The following SAMD4B variants were observed in gnomAD, a reference collection of about 807,000 sequenced individuals.
The protein encoded by SAMD4B is protein Smaug homolog 2.
Under a neutral mutation model 74.5 loss-of-function variants are expected in SAMD4B, and 5 were observed. The ratio of observed to expected loss-of-function variants is 0.07; its 90% CI spans 0.04 to 0.14. SAMD4B has a LOEUF of 0.14. SAMD4B is among the 10% of genes least tolerant of loss of function. The probability of loss-of-function intolerance (pLI) is 1.00; values close to 1 mark genes in which losing one functional copy is unlikely to be tolerated. For missense variants in SAMD4B, 608 were observed against 921.8 expected, an observed-to-expected ratio of 0.66 and a Z score of 4.41; for synonymous variants, 373 against 374.9, an observed-to-expected ratio of 1.00 and a Z score of 0.06.
At chr19:39,372,050 A>C (rs1476706717) in intron 4 of SAMD4B, among the ~76,000 whole-genome samples, 2 of 152,138 alleles carry the variant, frequency 1.3e-5, no homozygotes, top group Non-Finnish European at 2.9e-5. Flanking sequence ...CTTTGTCTTC[A>C]TACCTTTTGT....
At chr19:39,352,422 G>A (rs1463157781) in intron 1 of SAMD4B, 4 of 148,122 alleles carry the variant, frequency 2.7e-5, no homozygotes, top group South Asian at 2.1e-4. Flanking sequence ...AATGTGATTC[G>A]TTTCCCACAT....
chr19:39,343,214 G>C (rs182847462), intron 1 of SAMD4B, among the ~76,000 whole-genome samples: 7 of 150,972 alleles, frequency 4.6e-5, no homozygotes, highest in Non-Finnish European at 7.4e-5. Flanking sequence ...AGCCCAACAG[G>C]CTCACCCGAC....
chr19:39,355,719 A>G (rs2076307507), intron 2 of SAMD4B, among the ~76,000 whole-genome samples: 1 of 152,246 alleles, frequency 6.6e-6, no homozygotes. Flanking sequence ...TTGTTTGCCC[A>G]GTTGAAATAA....
In SAMD4B at chr19:39,342,555, G is replaced by C. The variant is rs1401174035; in HGVS notation, c.-288G>C. On this transcript the variant is annotated 5_prime_UTR_variant, in exon 1 of 14. Transcript: ENST00000610417. ...GGCCTGAGGAGGCCCGAGCGGCGGC[G>C]GTGGCGGCGAAGGCCGAGGCGGTGA... 8 of 160,862 alleles carry C rather than the reference G, an allele frequency of 5.0e-5. No individual in the cohort carries two copies. Among genetic ancestry groups the C allele is most frequent in the Non-Finnish European group, 1.1e-4 (8 of 75,626 alleles). The allele number at this position is 160,862 out of a possible 1,614,324, so 10.0% of individuals were successfully genotyped here. A position where few individuals can be genotyped will look rare whatever the true frequency, so the allele number is the denominator to read the frequency against.
In SAMD4B at chr19:39,378,496, C is replaced by A. The variant is rs760512422; in HGVS notation, c.1445-8C>A. On this transcript the variant is annotated splice_region_variant and splice_polypyrimidine_tract_variant and intron_variant, in intron 8 of 13. Coordinates refer to ENST00000610417, the MANE Select transcript of SAMD4B (RefSeq NM_001384574.2). The surrounding 1 kb of genome is among the most constrained non-coding windows in gnomAD (Gnocchi z 4.4). ...GTTAACCTCCTGCCCTTTCTCATGT[C>A]CCCCCAGTGTGCACCCAACTGCTGG... is the stretch of plus-strand genomic sequence containing the variant. The A allele has an allele frequency of 2.5e-6, 4 of 1,612,532 alleles. No individual in the cohort carries two copies. The highest frequency in any genetic ancestry group is 3.4e-6 in the Non-Finnish European group (4 of 1,178,796).
chr19:39,381,344 C>A (rs924916889), intron 12 of SAMD4B: 7 of 501,284 alleles, frequency 1.4e-5, no homozygotes, highest in African/African-American at 9.7e-5. Flanking sequence ...TCTCTCACCC[C>A]TTACTCCTAC....
At chr19:39,359,429 T>G (rs1170886512) in intron 3 of SAMD4B, among the ~76,000 whole-genome samples, 1 of 152,276 alleles carries the variant, frequency 6.6e-6, no homozygotes, top group East Asian at 1.9e-4. Context: ...TTTTATGAGA[T>G]AAATTCCCTG....
In SAMD4B at chr19:39,342,471, C is replaced by A. The variant is rs866117186; in HGVS notation, c.-372C>A. On this transcript the variant is annotated 5_prime_UTR_variant, in exon 1 of 14. Coordinates refer to ENST00000610417, the MANE Select transcript of SAMD4B (RefSeq NM_001384574.2). Reference sequence around the variant, plus strand: ...CGGCGGCGGCGGCGGCGGCGGTGGTCGGTGCGGGAGGAGGGAGGGGAGCTT... The same window carrying A: ...CGGCGGCGGCGGCGGCGGCGGTGGTAGGTGCGGGAGGAGGGAGGGGAGCTT... The A allele has an allele frequency of 1.6e-4, 28 of 180,102 alleles. No individual in the cohort carries two copies. The East Asian group carries it at 1.9e-3, about 12-fold the overall frequency. The allele number at this position is 180,102 out of a possible 1,614,324, so 11.2% of individuals were successfully genotyped here.
intron 2 of SAMD4B, among the ~76,000 whole-genome samples, chr19:39,355,976 T>C (rs2076322065): frequency 6.6e-6 from 1 of 152,138 alleles, no homozygotes. Context: ...ATCTGATAAA[T>C]CAGAGTTGTG....
chr19:39,349,637 A>T (rs2075910064), intron 1 of SAMD4B, among the ~76,000 whole-genome samples: 1 of 152,232 alleles, frequency 6.6e-6, no homozygotes, highest in African/African-American at 2.4e-5. Context: ...CAGGTTATGA[A>T]AGTGAGTTAA....
chr19:39,344,612 C>G (rs545912753), intron 1 of SAMD4B, among the ~76,000 whole-genome samples: 1 of 152,184 alleles, frequency 6.6e-6, no homozygotes, highest in South Asian at 2.1e-4. Context: ...TATTTACACC[C>G]TCTCATTTCC....
Position 39,376,526 on chromosome 19 carries a change from G to T in SAMD4B, c.997G>T (p.Glu333Ter). ...MSYEEMMTLT[E>*]QHLESQNVTK... ...CTACGAGGAGATGATGACACTGACT[G>T]AGCAGCACCTGGAGTCTCAGGTGAA... The change falls in exon 6 of 14, where the codon GAG becomes TAG. Residue 333 changes from glutamate (E) to a stop codon, truncating the protein, a stop_gained. Transcript: ENST00000610417. LOFTEE classifies it high-confidence loss of function. 6.2e-7 allele frequency: 1 copy of T among 1,613,392 alleles called. No homozygotes were observed. The highest frequency in any genetic ancestry group is 1.1e-5 in the South Asian group (1 of 91,030).
At position 39,375,777 on chromosome 19, in the gene SAMD4B, C is replaced by G. The variant is rs891788884; in HGVS notation, c.795C>G (p.Pro265=). The G allele has an allele frequency of 2.5e-6, 4 of 1,614,048 alleles. No individual in the cohort carries two copies. In the South Asian group the frequency reaches 4.4e-5, roughly 18 times the overall value. ...ELGARAAFTT[P]DHAPLSPQSS... Reference sequence around the variant, plus strand: ...GGGCCCGGGCTGCTTTTACCACGCCCGATCACGCACCTCTCTCGCCCCAGA... The same window carrying G: ...GGGCCCGGGCTGCTTTTACCACGCCGGATCACGCACCTCTCTCGCCCCAGA... The change falls in exon 5 of 14, where the codon CCC becomes CCG. Residue 265 remains proline, a synonymous_variant. Transcript: ENST00000610417. This position sits in a 1 kb window ranked among gnomAD's most constrained non-coding sequence, Gnocchi z 4.1.
At chr19:39,390,728 C>T in the SAMD4B span, 1 of 1,385,376 alleles carries the variant, frequency 7.2e-7, no homozygotes. Flanking sequence ...TTCATGACGT[C>T]ACGGGCAGAC....
intron 1 of SAMD4B, among the ~76,000 whole-genome samples, chr19:39,343,060 CT>C (rs2075419567): frequency 6.6e-6 from 1 of 151,808 alleles, no homozygotes; most frequent in African/African-American, 2.4e-5. Context: ...AGAAATAGTC[CT>C]CGGAGGCCAC....
Position 39,380,669 on chromosome 19 carries a change from A to T in SAMD4B, c.1732A>T (p.Met578Leu). The T allele has an allele frequency of 1.2e-6, 2 of 1,613,692 alleles. No individual in the cohort carries two copies. The highest frequency in any genetic ancestry group is 2.2e-5 in the South Asian group (2 of 91,074). Reference protein sequence around the residue: ...VARRTQRQFPMPPRALPPGRM... With the variant: ...VARRTQRQFPLPPRALPPGRM... Reference sequence around the variant, plus strand: ...CCGGCGTACCCAGCGGCAGTTCCCAATGCCTCCCCGGGCCCTCCCACCCGG... The same window carrying T: ...CCGGCGTACCCAGCGGCAGTTCCCATTGCCTCCCCGGGCCCTCCCACCCGG... The change falls in exon 11 of 14, where the codon ATG becomes TTG. Residue 578 changes from methionine (M) to leucine (L), a missense_variant. By Grantham distance (15) the Met-to-Leu change is conservative. Transcript: ENST00000610417.
At chr19:39,357,924 T>C (rs1479731658) in intron 3 of SAMD4B, among the ~76,000 whole-genome samples, 1 of 152,254 alleles carries the variant, frequency 6.6e-6, no homozygotes, top group Non-Finnish European at 1.5e-5. Flanking sequence ...ATAGTTCATA[T>C]TGAGCCTTTA....
intron 3 of SAMD4B, among the ~76,000 whole-genome samples, chr19:39,358,861 G>A (rs1044283563): frequency 4.6e-5 from 7 of 152,198 alleles, no homozygotes; most frequent in African/African-American, 1.4e-4. Context: ...GAGCCACACA[G>A]CTGCCTGGCC....
Position 39,378,450 on chromosome 19 carries a change from A to C in SAMD4B, c.1445-54A>C, listed in dbSNP as rs1460023457. ...GCACGAGCCAGCTGGAGGCTGGAAC[A>C]TGGCAGAGGGCATACTAGGGGTTAA... On this transcript the variant is annotated intron_variant, in intron 8 of 13. Coordinates refer to ENST00000610417, the MANE Select transcript of SAMD4B (RefSeq NM_001384574.2). The surrounding 1 kb of genome is among the most constrained non-coding windows in gnomAD (Gnocchi z 4.4). 6.5e-7 allele frequency: 1 copy of C among 1,531,670 alleles called. No individual in the cohort carries two copies. The highest frequency in any genetic ancestry group is 9.0e-7 in the Non-Finnish European group (1 of 1,107,170). 94.9% of individuals were successfully genotyped at this position (1,531,670 alleles called of 1,614,324 possible).
Sources: allele counts gnomAD v4.1 joint callset (sites outside exome capture counted in the v4.1 genomes callset), GRCh38; gene constraint gnomAD v4.1.1; non-coding constraint Gnocchi (gnomAD v3.1); transcripts MANE v1.5; gene names NCBI Gene and HGNC (gene_info 2026-07-23, HGNC 2026-07-21).